TASP1: variants seen among roughly 807,000 people sequenced by gnomAD.
The protein encoded by TASP1 is taspase 1, also known as threonine aspartase 1.
Under a neutral mutation model 56.6 loss-of-function variants are expected in TASP1, and 16 were observed. The ratio of observed to expected loss-of-function variants is 0.28; its 90% CI spans 0.19 to 0.43. The LOEUF (loss-of-function observed/expected upper bound fraction) is 0.43, where lower values mean the gene tolerates loss of function less well. Ranked by LOEUF, TASP1 falls within the 20% of genes least tolerant of loss-of-function variation. The pLI is 1.00. For missense variants in TASP1, 393 were observed against 511.6 expected (o/e 0.77, Z 2.24); for synonymous variants, 179 against 184.2 (o/e 0.97, Z 0.23).
chr20:13,125,464 T>G, the TASP1 span, among the ~76,000 whole-genome samples: 1 of 152,190 alleles, frequency 6.6e-6, no homozygotes, highest in Non-Finnish European at 1.5e-5. Flanking sequence ...GCTGCCTCCA[T>G]TCGTTTTTGC....
chr20:13,169,867 T>C, the TASP1 span, among the ~76,000 whole-genome samples: 1 of 152,176 alleles, frequency 6.6e-6, no homozygotes, highest in African/African-American at 2.4e-5. Flanking sequence ...AGAAATCATA[T>C]TATCAGTAAA....
At chr20:13,265,294 C>T in the TASP1 span, among the ~76,000 whole-genome samples, 3 of 152,272 alleles carry the variant, frequency 2.0e-5, no homozygotes, top group Admixed American at 2.0e-4. Context: ...ACATTGCTTC[C>T]TCTGAAAACC....
At chr20:13,513,367 T>A (rs1275800689) in intron 10 of TASP1, among the ~76,000 whole-genome samples, 1 of 147,368 alleles carries the variant, frequency 6.8e-6, no homozygotes, top group Non-Finnish European at 1.5e-5. Flanking sequence ...TTGGAGGGAG[T>A]AAATCTTTGA....
intron 11 of TASP1, among the ~76,000 whole-genome samples, chr20:13,472,122 G>T (rs1485123854): frequency 1.3e-5 from 2 of 150,818 alleles, no homozygotes; most frequent in African/African-American, 2.5e-5. Flanking sequence ...CATGGTACTG[G>T]TGCCAAAACA....
At chr20:13,433,419 A>T (rs537770897) in intron 12 of TASP1, among the ~76,000 whole-genome samples, 1 of 151,968 alleles carries the variant, frequency 6.6e-6, no homozygotes, top group South Asian at 2.1e-4. Flanking sequence ...AAAGAAGAAA[A>T]CTAGTATTTG....
chr20:13,217,622 T>C, the TASP1 span, among the ~76,000 whole-genome samples: 2 of 152,298 alleles, frequency 1.3e-5, no homozygotes, highest in South Asian at 4.1e-4. Flanking sequence ...AGAATGGTTA[T>C]AAAAGTTAAT....
chr20:13,387,162 T>C (rs2041168662), downstream of TASP1, among the ~76,000 whole-genome samples: 1 of 151,392 alleles, frequency 6.6e-6, no homozygotes, highest in Non-Finnish European at 1.5e-5. Context: ...TCCATTCATG[T>C]TGCCAGAGAG....
chr20:13,551,557 T>C (rs992853309), intron 8 of TASP1, among the ~76,000 whole-genome samples: 4 of 152,078 alleles, frequency 2.6e-5, no homozygotes, highest in Admixed American at 1.3e-4. Flanking sequence ...CTTCCAGTCA[T>C]ATCCAGGGCT....
At chr20:13,460,594 CACAAG>C (rs1304369413) in intron 11 of TASP1, among the ~76,000 whole-genome samples, 4 of 152,086 alleles carry the variant, frequency 2.6e-5, no homozygotes, top group Admixed American at 2.0e-4. Context: ...GATCTTTCCC[CACAAG>C]ACTTATTCTT....
At chr20:13,352,353 G>T in the TASP1 span, among the ~76,000 whole-genome samples, 1 of 151,608 alleles carries the variant, frequency 6.6e-6, no homozygotes, top group Non-Finnish European at 1.5e-5. Context: ...GGGAGGCTGC[G>T]GCATAAGAAT....
In TASP1 at chr20:13,629,972, T is replaced by C. The variant is rs188556337; in HGVS notation, c.107A>G (p.Tyr36Cys). 8.7e-5 allele frequency: 141 copies of C among 1,614,064 alleles called. No homozygotes were observed. The highest frequency in any genetic ancestry group is 3.3e-4 in the Middle Eastern group (2 of 6,062). ...TAKELETKQS[Y>C]KEKRGGFVLV... ...CACAAAGCCTCCTCGTTTCTCTTTA[T>C]AGGACTGCTTTGTTTCCAACTCTTT... The change falls in exon 2 of 14, where the codon TAT (tyrosine) becomes TGT (cysteine). Residue 36 changes from tyrosine to cysteine, a missense_variant. By Grantham distance (194) the Tyr-to-Cys change is radical. Coordinates refer to ENST00000337743, the MANE Select transcript of TASP1 (RefSeq NM_017714.3).
At chr20:13,307,420 C>T in the TASP1 span, among the ~76,000 whole-genome samples, 3 of 152,120 alleles carry the variant, frequency 2.0e-5, no homozygotes, top group Non-Finnish European at 4.4e-5. Flanking sequence ...GAATATAAGG[C>T]TCATGAAGGA....
the TASP1 span, among the ~76,000 whole-genome samples, chr20:13,184,800 G>A: frequency 6.6e-6 from 1 of 152,028 alleles, no homozygotes; most frequent in Admixed American, 6.6e-5. Context: ...AGACATATGG[G>A]GTAAACAATC....
At chr20:13,475,249 C>T (rs911908511) in intron 11 of TASP1, among the ~76,000 whole-genome samples, 2 of 152,156 alleles carry the variant, frequency 1.3e-5, no homozygotes, top group Non-Finnish European at 2.9e-5. Flanking sequence ...ATACTGACTG[C>T]ATTCCTTTGC....
chr20:13,578,023 A>C (rs960850571), intron 6 of TASP1, among the ~76,000 whole-genome samples: 2 of 152,234 alleles, frequency 1.3e-5, no homozygotes, highest in African/African-American at 4.8e-5. Context: ...CTCAGGATAG[A>C]AATGCTGGAG....
chr20:13,585,917 T>C (rs1428524208), intron 5 of TASP1, among the ~76,000 whole-genome samples: 2 of 152,092 alleles, frequency 1.3e-5, no homozygotes, highest in East Asian at 3.9e-4. Flanking sequence ...GGCAGATCAC[T>C]TGAGGTCAGG....
intron 8 of TASP1, among the ~76,000 whole-genome samples, chr20:13,540,389 A>C (rs141464470): frequency 6.6e-6 from 1 of 152,328 alleles, no homozygotes; most frequent in Non-Finnish European, 1.5e-5. Context: ...TGAAATTCTT[A>C]AGTATTTACC....
chr20:13,583,789 G>A (rs1212161222), intron 5 of TASP1, among the ~76,000 whole-genome samples: 5 of 152,196 alleles, frequency 3.3e-5, no homozygotes, highest in African/African-American at 7.2e-5. Flanking sequence ...TTTAAAATAT[G>A]TAAACCACTG....
the TASP1 span, among the ~76,000 whole-genome samples, chr20:13,162,608 T>G: frequency 6.6e-6 from 1 of 152,176 alleles, no homozygotes; most frequent in Non-Finnish European, 1.5e-5. Flanking sequence ...CGACCACATT[T>G]GGACAAGACA....
Sources: gnomAD v4.1 joint callset for allele counts (sites outside exome capture counted in the v4.1 genomes callset) on GRCh38, gnomAD v4.1.1 for gene constraint, MANE v1.5 for transcripts, NCBI Gene and HGNC (gene_info 2026-07-23, HGNC 2026-07-21) for gene names.